Variants in PECAM1 observed in about 807,000 individuals in gnomAD.
PECAM1 encodes the protein platelet endothelial cell adhesion molecule.
In PECAM1, 8 loss-of-function variants were observed where a neutral mutation model predicts 13.8. That is an observed-to-expected ratio of 0.58 (90% CI 0.34 to 1.05). The LOEUF (loss-of-function observed/expected upper bound fraction) is 1.05, where lower values mean the gene tolerates loss of function less well. PECAM1 is among the 50% of genes least tolerant of loss of function. The pLI, the probability that PECAM1 is intolerant of heterozygous loss-of-function variation, is 0.03. For missense variants in PECAM1, 304 were observed against 141.2 expected, an observed-to-expected ratio of 2.15 and a Z score of -5.84; for synonymous variants, 136 against 52.6, an observed-to-expected ratio of 2.58 and a Z score of -6.86.
intron 2 of PECAM1, among the ~76,000 whole-genome samples, chr17:64,384,394 C>T (rs1414932088): frequency 6.6e-6 from 1 of 152,118 alleles, no homozygotes; most frequent in African/African-American, 2.4e-5. Context: ...TCAAGATGCC[C>T]CCCCCAATGG....
At chr17:64,356,777 C>A (rs1267038169) in intron 7 of PECAM1, among the ~76,000 whole-genome samples, 2 of 152,188 alleles carry the variant, frequency 1.3e-5, no homozygotes, top group African/African-American at 4.8e-5. Context: ...CAGGCATAAG[C>A]CACCATGCCA....
intron 4 of PECAM1, among the ~76,000 whole-genome samples, chr17:64,372,800 G>C (rs1438099931): frequency 2.0e-5 from 3 of 151,618 alleles, no homozygotes; most frequent in African/African-American, 7.3e-5. Context: ...ACCATGCCTG[G>C]CCTCATGCTG....
Position 64,360,391 on chromosome 17 carries a change from G to A in PECAM1, c.1241C>T (p.Ser414Phe), listed in dbSNP as rs1487323300. 4.2e-6 allele frequency: 2 copies of A among 475,234 alleles called. No homozygotes were observed. The highest frequency in any genetic ancestry group is 7.7e-6 in the Non-Finnish European group (2 of 259,058). 29.4% of individuals were successfully genotyped at this position (475,234 alleles called of 1,614,324 possible). Residue 414 changes from serine (S) to phenylalanine (F), a missense_variant, in exon 7 of 16, where the codon TCT becomes TTT. Ser to Phe is a radical substitution (Grantham distance 155). Coordinates refer to ENST00000563924, the MANE Select transcript of PECAM1 (RefSeq NM_000442.5). ...TATGACCTCAAACTGGGCATCATAAGAAATCCTGGGCTGGGAGAGCATTTC... is the reference window on the plus strand; with the variant it reads ...TATGACCTCAAACTGGGCATCATAAAAAATCCTGGGCTGGGAGAGCATTTC... ...VCEMLSQPRI[S>F]YDAQFEVIKG...
intron 5 of PECAM1, among the ~76,000 whole-genome samples, chr17:64,365,357 T>A (rs1474790848): frequency 6.6e-6 from 1 of 152,146 alleles, no homozygotes; most frequent in Non-Finnish European, 1.5e-5. Context: ...TCCATGGTCA[T>A]GGGTAGGAAG....
At chr17:64,345,094 C>T (rs1296788961) in intron 13 of PECAM1, among the ~76,000 whole-genome samples, 1 of 152,180 alleles carries the variant, frequency 6.6e-6, no homozygotes, top group Non-Finnish European at 1.5e-5. Flanking sequence ...TCAAGTGATC[C>T]TCTCGCCTCT....
At chr17:64,345,325 C>T (rs945107464) in intron 13 of PECAM1, among the ~76,000 whole-genome samples, 25 of 152,176 alleles carry the variant, frequency 1.6e-4, no homozygotes, top group Non-Finnish European at 3.5e-4. Flanking sequence ...CAGGCTGTCC[C>T]TCCACAAGGG....
At chr17:64,340,629 CTTG>C (rs1598007468) in intron 14 of PECAM1, among the ~76,000 whole-genome samples, 4 of 152,112 alleles carry the variant, frequency 2.6e-5, no homozygotes, top group Non-Finnish European at 5.9e-5. Context: ...AAAAAAAGGA[CTTG>C]TTGAGCTCCC....
In PECAM1 at chr17:64,322,930, C is replaced by G; in HGVS notation, c.*886G>C. On this transcript the variant is annotated 3_prime_UTR_variant, in exon 16 of 16. Transcript: ENST00000563924. ...AGGGTTTCATCAGGCTGGTCTCAAACTCCTGACCTCAGGTGATCCGCCCAC... is the reference window on the plus strand; with the variant it reads ...AGGGTTTCATCAGGCTGGTCTCAAAGTCCTGACCTCAGGTGATCCGCCCAC... 3 of 492,654 alleles carry G rather than the reference C, an allele frequency of 6.1e-6. No individual in the cohort carries two copies. The highest frequency in any genetic ancestry group is 7.9e-6 in the Non-Finnish European group (3 of 379,786). 30.5% of individuals were successfully genotyped at this position (492,654 alleles called of 1,614,324 possible).
intron 15 of PECAM1, among the ~76,000 whole-genome samples, chr17:64,327,525 A>AG (rs797024699): frequency 5.3e-5 from 8 of 152,236 alleles, no homozygotes; most frequent in African/African-American, 1.9e-4. Flanking sequence ...GCCTCCAGGA[A>AG]GGGGGGAGGC....
At chr17:64,331,729 A>G (rs80338547) in intron 14 of PECAM1, among the ~76,000 whole-genome samples, 12,125 of 152,238 alleles carry the variant, frequency 0.08, 1,627 homozygotes, top group African/African-American at 0.28. Context: ...ACCCCACCCA[A>G]TGGTCAGTGG....
At chr17:64,373,151 A>ATAAATAAG (rs878873870) in intron 4 of PECAM1, among the ~76,000 whole-genome samples, 14 of 150,154 alleles carry the variant, frequency 9.3e-5, no homozygotes, top group Admixed American at 3.3e-4. Context: ...AAATAAAAAA[A>ATAAATAAG]AAAGAAAATG....
At chr17:64,384,415 C>T (rs1188739354) in intron 2 of PECAM1, among the ~76,000 whole-genome samples, 5 of 152,144 alleles carry the variant, frequency 3.3e-5, no homozygotes, top group Admixed American at 3.3e-4. Flanking sequence ...TCCTTGCCCT[C>T]TGCTCATCAC....
chr17:64,362,655 A>AAAATAAAT (rs112469980), intron 6 of PECAM1, among the ~76,000 whole-genome samples: 3 of 150,686 alleles, frequency 2.0e-5, no homozygotes, highest in Admixed American at 6.6e-5. Flanking sequence ...GCATCTCAAA[A>AAAATAAAT]AAATAAATAA....
intron 13 of PECAM1, among the ~76,000 whole-genome samples, chr17:64,342,503 G>A (rs1228340618): frequency 6.6e-6 from 1 of 152,196 alleles, no homozygotes; most frequent in Non-Finnish European, 1.5e-5. Flanking sequence ...AGGAATAGCT[G>A]GGACTGAGAA....
At chr17:64,387,878 C>T (rs1034195209) in intron 2 of PECAM1, among the ~76,000 whole-genome samples, 86 of 152,262 alleles carry the variant, frequency 5.6e-4, no homozygotes, top group East Asian at 1.9e-4. Context: ...GGACCCCAGC[C>T]GCAGAGCGGG....
chr17:64,338,443 C>T (rs1373737899), intron 14 of PECAM1, among the ~76,000 whole-genome samples: 2 of 151,760 alleles, frequency 1.3e-5, no homozygotes, highest in Non-Finnish European at 2.9e-5. Flanking sequence ...TATTTGTGGC[C>T]ACTTGATTGA....
intron 7 of PECAM1, 77 bp from the exon 8 acceptor site, chr17:64,356,475 T>A (rs1310656526): frequency 1.1e-5 from 2 of 189,944 alleles, no homozygotes; most frequent in African/African-American, 2.5e-5. Flanking sequence ...ACTGCTCAAC[T>A]TTTTTTTTTT....
intron 4 of PECAM1, among the ~76,000 whole-genome samples, chr17:64,370,840 T>C (rs2036223023): frequency 1.3e-5 from 2 of 152,186 alleles, no homozygotes; most frequent in African/African-American, 4.8e-5. Context: ...ATTCCAACTG[T>C]GTAAAATATA....
intron 2 of PECAM1, among the ~76,000 whole-genome samples, chr17:64,386,249 A>G (rs2036590536): frequency 6.6e-6 from 1 of 152,116 alleles, no homozygotes; most frequent in South Asian, 2.1e-4. Context: ...TACTAAAAAT[A>G]CAAAAATTAG....
Sources: allele counts gnomAD v4.1 joint callset (sites outside exome capture counted in the v4.1 genomes callset), GRCh38; gene constraint gnomAD v4.1.1; transcripts MANE v1.5; gene names NCBI Gene and HGNC (gene_info 2026-07-23, HGNC 2026-07-21).